Variants in ZNF407 observed in about 807,000 individuals in gnomAD.
The protein encoded by ZNF407 is zinc finger protein 407.
Under a neutral mutation model 131.2 loss-of-function variants are expected in ZNF407, and 17 were observed. The ratio of observed to expected loss-of-function variants is 0.13; its 90% CI spans 0.09 to 0.19. The LOEUF is 0.19. Among genes scored for constraint, ZNF407 ranks in the 10% least tolerant of loss-of-function variants. The pLI, the probability that ZNF407 is intolerant of heterozygous loss-of-function variation, is 1.00. For synonymous variants in ZNF407, 1,156 were observed against 1,062.0 expected, an observed-to-expected ratio of 1.09 and a Z score of -1.72; for missense variants, 2,681 against 2,830.6, an observed-to-expected ratio of 0.95 and a Z score of 1.20.
At chr18:74,990,957 T>C (rs1255288040) in intron 8 of ZNF407, among the ~76,000 whole-genome samples, 1 of 152,074 alleles carries the variant, frequency 6.6e-6, no homozygotes, top group African/African-American at 2.4e-5. Flanking sequence ...TGAGTGTAGG[T>C]GAAGGGGGTG....
intron 3 of ZNF407, among the ~76,000 whole-genome samples, chr18:74,745,319 A>G (rs1968643072): frequency 6.6e-6 from 1 of 152,166 alleles, no homozygotes; most frequent in African/African-American, 2.4e-5. Context: ...AAGTCATTAG[A>G]TGGAAGTTGT....
intron 4 of ZNF407, among the ~76,000 whole-genome samples, chr18:74,823,122 C>T (rs140268865): frequency 0.015 from 2,262 of 152,124 alleles, 64 homozygotes; most frequent in African/African-American, 0.051. Context: ...GCTACATAAG[C>T]GAAGGAGAAA....
intron 4 of ZNF407, among the ~76,000 whole-genome samples, chr18:74,826,563 G>T (rs966122): frequency 0.8 from 121,568 of 152,036 alleles, 50,286 homozygotes; most frequent in Non-Finnish European, 0.9. Flanking sequence ...TGTTCGTAGG[G>T]TCAGGTAGGG....
intron 8 of ZNF407, among the ~76,000 whole-genome samples, chr18:75,046,028 G>A (rs1451408493): frequency 6.6e-6 from 1 of 152,150 alleles, no homozygotes; most frequent in Non-Finnish European, 1.5e-5. Flanking sequence ...TGAGGATTCT[G>A]AATTTCCATT....
At chr18:74,742,944 G>A (rs1443677728) in intron 3 of ZNF407, among the ~76,000 whole-genome samples, 5 of 152,122 alleles carry the variant, frequency 3.3e-5, no homozygotes, top group African/African-American at 1.2e-4. Context: ...TAATAGTCCA[G>A]CAATAGATAG....
chr18:74,942,089 T>C (rs1222073923), intron 8 of ZNF407, among the ~76,000 whole-genome samples: 1 of 152,208 alleles, frequency 6.6e-6, no homozygotes, highest in African/African-American at 2.4e-5. Flanking sequence ...AGATCATGTG[T>C]GAAAGTTCTT....
intron 4 of ZNF407, among the ~76,000 whole-genome samples, chr18:74,813,457 C>T (rs1970226033): frequency 7.9e-6 from 1 of 126,042 alleles, no homozygotes; most frequent in Non-Finnish European, 1.6e-5. Context: ...CTTCGCTCTG[C>T]GTCACCCCCT....
chr18:74,844,649 A>G (rs1970678366), intron 4 of ZNF407, among the ~76,000 whole-genome samples: 1 of 152,164 alleles, frequency 6.6e-6, no homozygotes, highest in Admixed American at 6.5e-5. Flanking sequence ...GATGTTTTTC[A>G]AAATTTTTAA....
At chr18:74,851,293 C>T (rs1379122108) in intron 4 of ZNF407, among the ~76,000 whole-genome samples, 1 of 152,148 alleles carries the variant, frequency 6.6e-6, no homozygotes, top group African/African-American at 2.4e-5. Flanking sequence ...CCTGTGCATA[C>T]TTATGTGAGC....
At chr18:75,028,434 C>A (rs1449755352) in intron 8 of ZNF407, among the ~76,000 whole-genome samples, 2 of 152,142 alleles carry the variant, frequency 1.3e-5, no homozygotes, top group Non-Finnish European at 2.9e-5. Flanking sequence ...CTCAGAATGA[C>A]CTCCATTTTA....
rs140105179 is a variant in ZNF407, at chr18:74,809,969, T to C, written c.4877+28467T>C. On this transcript the variant is annotated intron_variant, in intron 4 of 8. Coordinates refer to ENST00000299687, the MANE Select transcript of ZNF407 (RefSeq NM_017757.3). ...AAATGAAAGAGGAATTATGTGGATG[T>C]GATGGTGCCTTTAACTGAGATGCAA... Among the ~76,000 whole-genome samples, 348 of 152,330 alleles carry C rather than the reference T, an allele frequency of 2.3e-3. 3 individuals are homozygous for C. The highest frequency in any genetic ancestry group is 8.0e-3 in the African/African-American group (332 of 41,568).
In ZNF407 at chr18:74,615,950, G is replaced by A. The variant is rs150734550; in HGVS notation, c.-53-15017G>A. ...ATGATCTCGGCTCACTGCAGCTTCC[G>A]CCTCCCGGGTTCAAGTGATTTTCCT... On this transcript the variant is annotated intron_variant, in intron 1 of 8. Transcript: ENST00000299687. Among the ~76,000 whole-genome samples, 62 of 151,908 alleles carry A rather than the reference G, an allele frequency of 4.1e-4. 1 individual carries two copies. In the East Asian group the frequency reaches 0.01, roughly 25 times the overall value.
At position 74,917,093 on chromosome 18, in the gene ZNF407, A is replaced by T. The variant is rs536468441; in HGVS notation, c.5250-3421A>T. 2.6e-5 allele frequency among the ~76,000 whole-genome samples: 4 copies of T among 152,196 alleles called. No homozygotes were observed. In the South Asian group the frequency reaches 8.3e-4, roughly 32 times the overall value. ...TGTTTTTGTTTTAGTGGAGAGATAG[A>T]TCATATATTTGACAAGTAACCCATT... On this transcript the variant is annotated intron_variant, in intron 7 of 8. Transcript: ENST00000299687.
intron 4 of ZNF407, among the ~76,000 whole-genome samples, chr18:74,783,014 T>C (rs1020381097): frequency 6.6e-6 from 1 of 152,220 alleles, no homozygotes; most frequent in Non-Finnish European, 1.5e-5. Context: ...TACTATACTA[T>C]ATTTTTAAAA....
intron 8 of ZNF407, among the ~76,000 whole-genome samples, chr18:75,001,560 A>G (rs1283914678): frequency 6.6e-6 from 1 of 152,238 alleles, no homozygotes; most frequent in African/African-American, 2.4e-5. Context: ...AAATAAACAT[A>G]GAACCATAGG....
chr18:74,958,594 C>T (rs905049016), intron 8 of ZNF407, among the ~76,000 whole-genome samples: 3 of 152,108 alleles, frequency 2.0e-5, no homozygotes, highest in Non-Finnish European at 2.9e-5. Context: ...ACGAGGAGTC[C>T]GCCATGCATA....
At chr18:74,838,679 G>A (rs546806222) in intron 4 of ZNF407, among the ~76,000 whole-genome samples, 3 of 151,974 alleles carry the variant, frequency 2.0e-5, no homozygotes, top group African/African-American at 7.2e-5. Context: ...ACAATAATTG[G>A]CAGTGACCTC....
chr18:74,755,222 C>CT (rs1178360923), intron 3 of ZNF407, among the ~76,000 whole-genome samples: 1 of 152,016 alleles, frequency 6.6e-6, no homozygotes, highest in Non-Finnish European at 1.5e-5. Flanking sequence ...TCCTCCATCC[C>CT]TTTTTTTGAG....
chr18:74,699,389 G>A (rs781009799), intron 3 of ZNF407, among the ~76,000 whole-genome samples: 1 of 152,164 alleles, frequency 6.6e-6, no homozygotes, highest in African/African-American at 2.4e-5. Context: ...CCAGAATTTA[G>A]GGGAGTGCTG....
Sources: gnomAD v4.1 joint callset for allele counts (sites outside exome capture counted in the v4.1 genomes callset) on GRCh38, gnomAD v4.1.1 for gene constraint, MANE v1.5 for transcripts, NCBI Gene and HGNC (gene_info 2026-07-23, HGNC 2026-07-21) for gene names.